The following CCDC73 variants were observed in gnomAD, a reference collection of about 807,000 sequenced individuals.
CCDC73 encodes the protein coiled-coil domain-containing protein 73.
CCDC73 carries 95 observed loss-of-function variants against 116.5 expected under a neutral mutation model. The observed-to-expected ratio is 0.82, with a 90% CI of 0.69 to 0.97. CCDC73 has a LOEUF of 0.97. CCDC73 is among the 50% of genes least tolerant of loss of function. CCDC73 has a pLI of 0.00. For synonymous variants in CCDC73, 398 were observed against 401.3 expected (o/e 0.99, Z 0.10); for missense variants, 1,066 against 1,206.8 (o/e 0.88, Z 1.73).
chr11:32,781,979 C>T (rs781148413), intron 1 of CCDC73, among the ~76,000 whole-genome samples: 4 of 152,168 alleles, frequency 2.6e-5, no homozygotes, highest in African/African-American at 9.7e-5. Flanking sequence ...CCCCATTGTT[C>T]GCATTTCCAC....
intron 1 of CCDC73, among the ~76,000 whole-genome samples, chr11:32,779,059 C>T (rs1282489233): frequency 6.6e-6 from 1 of 151,990 alleles, no homozygotes; most frequent in Non-Finnish European, 1.5e-5. Flanking sequence ...TCCATGAATA[C>T]ATTACAAGTA....
chr11:32,820,370 G>A, the CCDC73 span, among the ~76,000 whole-genome samples: 28 of 152,114 alleles, frequency 1.8e-4, no homozygotes, highest in African/African-American at 6.3e-4. Flanking sequence ...TGCCTAGGTT[G>A]GTCTCGAACT....
intron 1 of CCDC73, among the ~76,000 whole-genome samples, chr11:32,792,481 A>C (rs1245529034): frequency 6.6e-6 from 1 of 152,232 alleles, no homozygotes; most frequent in African/African-American, 2.4e-5. Flanking sequence ...AGGACATTTT[A>C]GAGTCCTTAA....
At chr11:32,821,584 A>C in the CCDC73 span, among the ~76,000 whole-genome samples, 5 of 152,230 alleles carry the variant, frequency 3.3e-5, no homozygotes, top group Non-Finnish European at 7.3e-5. Context: ...TTATTTCCTG[A>C]AAAGGTGATG....
intron 2 of CCDC73, among the ~76,000 whole-genome samples, chr11:32,749,330 T>A (rs1199908565): frequency 6.6e-6 from 1 of 152,094 alleles, no homozygotes; most frequent in African/African-American, 2.4e-5. Context: ...TTCTTCAGTA[T>A]GTCAATTGCA....
At chr11:32,697,729 T>A (rs187102315) in intron 6 of CCDC73, among the ~76,000 whole-genome samples, 247 of 152,086 alleles carry the variant, frequency 1.6e-3, no homozygotes, top group African/African-American at 5.7e-3. Context: ...AGTGATCTGC[T>A]ACCTTGGTCT....
rs879471963 is a variant in CCDC73 at position 32,663,590 on chromosome 11, G to A, written c.646-8618C>T. On this transcript the variant is annotated intron_variant, in intron 9 of 17. Coordinates refer to ENST00000335185, the MANE Select transcript of CCDC73 (RefSeq NM_001008391.4). ...TAAGGAGATTTTGGGCTGAGACAATGGGGTTTTCTAAATATACAGTCATGT... is the reference window on the plus strand; with the variant it reads ...TAAGGAGATTTTGGGCTGAGACAATAGGGTTTTCTAAATATACAGTCATGT... Among the ~76,000 whole-genome samples, 14 of 152,278 alleles carry A rather than the reference G, an allele frequency of 9.2e-5. No homozygotes were observed. The East Asian group carries it at 2.1e-3, about 23-fold the overall frequency.
chr11:32,713,542 C>A (rs1439817863), intron 3 of CCDC73, among the ~76,000 whole-genome samples: 1 of 151,940 alleles, frequency 6.6e-6, no homozygotes, highest in African/African-American at 2.4e-5. Flanking sequence ...ACAGTCCCGG[C>A]CCCCATGATA....
the CCDC73 span, among the ~76,000 whole-genome samples, chr11:32,822,478 T>C: frequency 4.6e-5 from 7 of 152,174 alleles, no homozygotes; most frequent in African/African-American, 1.7e-4. Flanking sequence ...AGCTCTGCAA[T>C]ATAAATGTCC....
At chr11:32,753,326 C>G (rs1850304493) in intron 2 of CCDC73, among the ~76,000 whole-genome samples, 1 of 138,126 alleles carries the variant, frequency 7.2e-6, no homozygotes, top group Non-Finnish European at 1.5e-5. Flanking sequence ...GAGACAAGCT[C>G]TTGCCGTGTC....
At chr11:32,711,012 T>C (rs1397320564) in intron 3 of CCDC73, among the ~76,000 whole-genome samples, 1 of 151,992 alleles carries the variant, frequency 6.6e-6, no homozygotes. Context: ...AAAAAAGATA[T>C]ACAAATGGCC....
At chr11:32,664,421 G>A (rs1161469902) in intron 9 of CCDC73, among the ~76,000 whole-genome samples, 1 of 152,138 alleles carries the variant, frequency 6.6e-6, no homozygotes, top group Non-Finnish European at 1.5e-5. Context: ...GAGTGTATGT[G>A]TCCAGGAATT....
chr11:32,780,650 T>C (rs1850575607), intron 1 of CCDC73, among the ~76,000 whole-genome samples: 1 of 152,236 alleles, frequency 6.6e-6, no homozygotes, highest in African/African-American at 2.4e-5. Context: ...GTTATCACTA[T>C]CTAATTGAAT....
At chr11:32,747,755 G>T (rs553877361) in intron 2 of CCDC73, among the ~76,000 whole-genome samples, 1 of 152,354 alleles carries the variant, frequency 6.6e-6, no homozygotes, top group South Asian at 2.1e-4. Flanking sequence ...GACCTGCCGA[G>T]ACAGGCACAG....
At chr11:32,738,494 T>C (rs1850155399) in intron 2 of CCDC73, among the ~76,000 whole-genome samples, 1 of 152,172 alleles carries the variant, frequency 6.6e-6, no homozygotes, top group Non-Finnish European at 1.5e-5. Context: ...GTGCGATTTG[T>C]ATGCCTTCTT....
chr11:32,741,017 C>G (rs1272785722), intron 2 of CCDC73, among the ~76,000 whole-genome samples: 1 of 151,986 alleles, frequency 6.6e-6, no homozygotes, highest in East Asian at 1.9e-4. Context: ...AGTTTTATGC[C>G]ATTGTTGTCA....
At chr11:32,750,123 G>C (rs767144731) in intron 2 of CCDC73, among the ~76,000 whole-genome samples, 7 of 152,188 alleles carry the variant, frequency 4.6e-5, no homozygotes, top group Non-Finnish European at 8.8e-5. Flanking sequence ...GCCTGCCTCA[G>C]CCTCCCAAAA....
chr11:32,606,241 A>C (rs1273557622), intron 17 of CCDC73: 3 of 152,254 alleles, frequency 2.0e-5, no homozygotes, highest in Admixed American at 2.0e-4. Context: ...ATGTTGAAAA[A>C]TAAAACTATT....
intron 1 of CCDC73, among the ~76,000 whole-genome samples, chr11:32,773,667 T>C (rs1280010263): frequency 6.6e-6 from 1 of 151,576 alleles, no homozygotes; most frequent in Non-Finnish European, 1.5e-5. Context: ...CATCTCCCAG[T>C]TACTTGGGAG....
Sources: allele counts gnomAD v4.1 joint callset (sites outside exome capture counted in the v4.1 genomes callset), GRCh38; gene constraint gnomAD v4.1.1; transcripts MANE v1.5; gene names NCBI Gene and HGNC (gene_info 2026-07-23, HGNC 2026-07-21).